The following PLA2G4F variants were observed in gnomAD, a reference collection of about 807,000 sequenced individuals.
PLA2G4F encodes the protein cytosolic phospholipase A2 zeta.
A neutral mutation model predicts 103.1 loss-of-function variants in PLA2G4F; 105 were observed. That is an observed-to-expected ratio of 1.02 (90% confidence interval 0.87 to 1.20). The LOEUF is 1.20. PLA2G4F is among the 50% of genes most tolerant of loss of function. PLA2G4F has a pLI of 0.00. For missense variants in PLA2G4F, 1,155 were observed against 1,075.9 expected (o/e 1.07, Z -1.03); for synonymous variants, 468 against 441.1 (o/e 1.06, Z -0.76).
intron 16 of PLA2G4F, among the ~76,000 whole-genome samples, chr15:42,145,302 G>A (rs1469147116): frequency 6.6e-6 from 1 of 152,134 alleles, no homozygotes; most frequent in Non-Finnish European, 1.5e-5. Flanking sequence ...TAAGGACCAG[G>A]CTGAAGAGGG....
At chr15:42,148,893 A>G (rs1305179268) in intron 11 of PLA2G4F, 2 of 985,304 alleles carry the variant, frequency 2.0e-6, no homozygotes, top group Non-Finnish European at 2.4e-6. Flanking sequence ...GCTGGATGAG[A>G]CAGAGCAGAC....
At chr15:42,143,427 C>T (rs998408613) in intron 18 of PLA2G4F, among the ~76,000 whole-genome samples, 1 of 152,086 alleles carries the variant, frequency 6.6e-6, no homozygotes, top group Non-Finnish European at 1.5e-5. Flanking sequence ...TCATCAATCC[C>T]CAGTCAATCC....
At chr15:42,142,776 G>C in intron 18 of PLA2G4F, 62 bp from the exon 19 acceptor site, 1 of 1,551,842 alleles carries the variant, frequency 6.4e-7, no homozygotes, top group Non-Finnish European at 8.8e-7. Flanking sequence ...CGCCGCCCTG[G>C]ACTCACACAC....
At chr15:42,144,750 C>T (rs950549227) in intron 16 of PLA2G4F, 106 bp from the exon 17 acceptor site, 1 of 1,172,204 alleles carries the variant, frequency 8.5e-7, no homozygotes, top group Non-Finnish European at 1.2e-6. Context: ...GCCCTCCCCA[C>T]ATCCCTCCTC....
Position 42,150,636 on chromosome 15 carries a change from T to G in PLA2G4F, c.743A>C (p.Glu248Ala). The G allele has an allele frequency of 6.2e-7, 1 of 1,612,626 alleles. No homozygotes were observed. Among genetic ancestry groups the G allele is most frequent in the Non-Finnish European group, 8.5e-7 (1 of 1,179,330 alleles). ...NPVLSSRLHV[E>A]LMELLAAVQS... ...CACAGCTGCCAGCAGCTCCATCAGC[T>G]CCACGTGTAGCCTGGAGCTCAGCAC... The change falls in exon 8 of 20, where the codon GAG becomes GCG. Residue 248 changes from glutamate (E) to alanine (A), a missense_variant. Physicochemically the swap from Glu to Ala is moderately radical, Grantham distance 107. This residue lies in a region of PLA2G4F where 370 missense variants were observed against 364.9 expected (regional missense o/e 1.01). Transcript: ENST00000397272.
rs1435426675 is a variant in PLA2G4F at position 42,155,887 on chromosome 15, C to T, written c.112-298G>A. 2.0e-5 allele frequency among the ~76,000 whole-genome samples: 3 copies of T among 152,182 alleles called. No individual in the cohort carries two copies. In the East Asian group the frequency reaches 5.8e-4, roughly 29 times the overall value. On this transcript the variant is annotated intron_variant, in intron 1 of 19. Coordinates refer to ENST00000397272, the MANE Select transcript of PLA2G4F (RefSeq NM_213600.4). ...GCAGCTCCCCTCAGACGCTCGCGCCCCCACTCTAGCTTGGGAGCAGCTGTG... is the reference window on the plus strand; with the variant it reads ...GCAGCTCCCCTCAGACGCTCGCGCCTCCACTCTAGCTTGGGAGCAGCTGTG...
intron 18 of PLA2G4F, among the ~76,000 whole-genome samples, chr15:42,143,143 C>T (rs1566877249): frequency 7.3e-6 from 1 of 136,956 alleles, no homozygotes; most frequent in East Asian, 2.2e-4. Context: ...TGCACCACTG[C>T]ACTCCAGCCT....
chr15:42,147,007 G>C (rs989988752), intron 13 of PLA2G4F, 117 bp downstream of exon 13: 135 of 1,048,898 alleles, frequency 1.3e-4, no homozygotes, highest in Non-Finnish European at 1.7e-4. Flanking sequence ...CAGGGGAGCC[G>C]AGAGCTCAGG....
chr15:42,144,674 G>A, intron 16 of PLA2G4F, 30 bp from the exon 17 acceptor site: 1 of 1,531,700 alleles, frequency 6.5e-7, no homozygotes, highest in Non-Finnish European at 8.8e-7. Flanking sequence ...TGAAATAGAG[G>A]GGAAAGTGGC....
Position 42,150,536 on chromosome 15 carries a change from TC to T in PLA2G4F, c.772-51del, listed in dbSNP as rs774290816. 8 of 1,597,220 alleles carry T rather than the reference TC, an allele frequency of 5.0e-6. No individual in the cohort carries two copies. In the East Asian group the frequency reaches 1.8e-4, roughly 36 times the overall value. On this transcript the variant is annotated intron_variant, in intron 8 of 19. Transcript: ENST00000397272. ...AGCTCTCCAGCAGGGAAGAAAAGTC[TC>T]CCCCAACGTGGCCCTGGAACGCCAG...
chr15:42,148,472 T>G (rs547104019), intron 11 of PLA2G4F: 2 of 335,260 alleles, frequency 6.0e-6, no homozygotes, highest in African/African-American at 4.5e-5. Context: ...GTAGGATGTT[T>G]AGCAGCATTT....
At chr15:42,147,433 C>T (rs539808976) in intron 12 of PLA2G4F, 87 bp from the exon 13 acceptor site, 2 of 1,426,712 alleles carry the variant, frequency 1.4e-6, no homozygotes, top group African/African-American at 1.4e-5. Flanking sequence ...GGCCCTCCAC[C>T]CCCACCACTT....
At position 42,154,416 on chromosome 15, in the gene PLA2G4F, G is replaced by T. The variant is rs142310375; in HGVS notation, c.227C>A (p.Ala76Glu). The T allele has an allele frequency of 6.2e-7, 1 of 1,608,548 alleles. No individual in the cohort carries two copies. The highest frequency in any genetic ancestry group is 8.5e-7 in the Non-Finnish European group (1 of 1,176,354). ...DCYVQLWLPTASPSPAQTRIV... is the reference protein window; with the variant it reads ...DCYVQLWLPTESPSPAQTRIV... ...CCTAGTCTGGGCAGGGCTTGGGGACGCCGTGGGCAGCCACAGTTGCACATA... is the reference window on the plus strand; with the variant it reads ...CCTAGTCTGGGCAGGGCTTGGGGACTCCGTGGGCAGCCACAGTTGCACATA... The change falls in exon 3 of 20, where the codon GCG becomes GAG. Residue 76 changes from alanine to glutamate, a missense_variant. By Grantham distance (107) the Ala-to-Glu change is moderately radical. Transcript: ENST00000397272.
chr15:42,142,098 A>G lies in PLA2G4F; in HGVS notation c.2436T>C (p.Phe812=), dbSNP rs1157539425. Residue 812 remains phenylalanine, a synonymous_variant, in exon 20 of 20, where the codon TTT becomes TTC. Coordinates refer to ENST00000397272, the MANE Select transcript of PLA2G4F (RefSeq NM_213600.4). ...ATCGACTGAGGGCCACCAGCCGATAAAAGTCCTGGGGCTCATAGGTGAAGT... is the reference window on the plus strand; with the variant it reads ...ATCGACTGAGGGCCACCAGCCGATAGAAGTCCTGGGGCTCATAGGTGAAGT... ...MMNFTYEPQD[F]YRLVALSRYN... 3.1e-6 allele frequency: 5 copies of G among 1,614,084 alleles called. No individual in the cohort carries two copies. The Admixed American group carries it at 5.0e-5, about 16-fold the overall frequency.
rs2048874503 is a variant in PLA2G4F, at chr15:42,145,643, A to C, written c.1712T>G (p.Ile571Ser). 6.2e-7 allele frequency: 1 copy of C among 1,614,042 alleles called. No homozygotes were observed. Among genetic ancestry groups the C allele is most frequent in the Non-Finnish European group, 8.5e-7 (1 of 1,179,976 alleles). The change falls in exon 16 of 20, where the codon ATC (isoleucine) becomes AGC (serine). Residue 571 changes from isoleucine (I) to serine (S), a missense_variant. Physicochemically the swap from Ile to Ser is moderately radical, Grantham distance 142. Around this residue, in one of 3 missense-constraint regions of PLA2G4F, gnomAD observed 782 missense variants for 692.9 expected, o/e 1.13. Transcript: ENST00000397272. ...GCCCGAGCCGGCGGTCTTTAGGAAG[A>C]TCTCATCCAGGCTGGTGGCAAAGGC... ...GSAFATSLDE[I>S]FLKTAGSGLS...
At chr15:42,145,983 C>A in intron 14 of PLA2G4F, 80 bp from the exon 15 acceptor site, 1 of 1,595,330 alleles carries the variant, frequency 6.3e-7, no homozygotes, top group Admixed American at 1.7e-5. Context: ...TTAGCCTTGA[C>A]AATGACAGGA....
Position 42,141,979 on chromosome 15 carries a change from C to G in PLA2G4F, c.*5G>C. 6.2e-7 allele frequency: 1 copy of G among 1,612,306 alleles called. No individual in the cohort carries two copies. ...TCTGTCACAGTCCTCCGCTTCCTGC[C>G]TTGGTCAGGCCCCTGCCCTCTCCCG... On this transcript the variant is annotated 3_prime_UTR_variant, in exon 20 of 20. Coordinates refer to ENST00000397272, the MANE Select transcript of PLA2G4F (RefSeq NM_213600.4).
chr15:42,153,952 T>A, intron 4 of PLA2G4F, 140 bp downstream of exon 4: 1 of 1,344,752 alleles, frequency 7.4e-7, no homozygotes, highest in Non-Finnish European at 1.0e-6. Context: ...GAGGGAGACC[T>A]TTATAGGGTC....
At chr15:42,152,166 G>A (rs778858413) in intron 7 of PLA2G4F, among the ~76,000 whole-genome samples, 32 of 152,288 alleles carry the variant, frequency 2.1e-4, no homozygotes, top group South Asian at 1.0e-3. Context: ...AGCTCCTCCC[G>A]CTAAAGAGGC....
Sources: gnomAD v4.1 joint callset for allele counts (sites outside exome capture counted in the v4.1 genomes callset) on GRCh38, gnomAD v4.1.1 for gene constraint, gnomAD v4.1.1 regional missense constraint, MANE v1.5 for transcripts, NCBI Gene and HGNC (gene_info 2026-07-23, HGNC 2026-07-21) for gene names.